GARIN1B: variants seen among roughly 807,000 people sequenced by gnomAD.
GARIN1B encodes Golgi-associated RAB2 interactor protein 1B.
the GARIN1B span, chr7:128,731,465 G>A: frequency 1.0e-5 from 4 of 383,680 alleles, no homozygotes; most frequent in Admixed American, 3.8e-5. Context: ...AAAGTCAGCA[G>A]ATGAGAGACA....
the GARIN1B span, among the ~76,000 whole-genome samples, chr7:128,716,040 T>C: frequency 2.3e-4 from 35 of 152,282 alleles, no homozygotes; most frequent in East Asian, 9.6e-4. Flanking sequence ...ATAATGCGGA[T>C]TGGCGAAAGA....
the GARIN1B span, among the ~76,000 whole-genome samples, chr7:128,717,237 T>A: frequency 6.6e-6 from 1 of 152,084 alleles, no homozygotes; most frequent in East Asian, 1.9e-4. Context: ...ACTTTCTTTC[T>A]CGCTGCACAG....
the GARIN1B span, chr7:128,731,257 G>A: frequency 1.2e-6 from 1 of 830,978 alleles, no homozygotes; most frequent in South Asian, 1.3e-5. Flanking sequence ...TGACAGCAGA[G>A]CCTTTCCAGC....
chr7:128,718,121 C>G, the GARIN1B span, among the ~76,000 whole-genome samples: 186 of 152,258 alleles, frequency 1.2e-3, 1 homozygote, highest in Non-Finnish European at 2.3e-3. Flanking sequence ...GTGGGGCAAG[C>G]TCCTTTGGTG....
chr7:128,729,171 C>T, the GARIN1B span, among the ~76,000 whole-genome samples: 4 of 152,028 alleles, frequency 2.6e-5, no homozygotes, highest in Non-Finnish European at 4.4e-5. Context: ...TCTCATTCGG[C>T]GAGGGAGTGT....
At chr7:128,723,091 T>C in the GARIN1B span, 3 of 1,362,516 alleles carry the variant, frequency 2.2e-6, no homozygotes, top group Non-Finnish European at 2.9e-6. Context: ...GGCTGCACTT[T>C]GGAAAATTTT....
chr7:128,716,771 T>C, the GARIN1B span: 6 of 1,544,000 alleles, frequency 3.9e-6, no homozygotes, highest in Non-Finnish European at 5.3e-6. Context: ...AGACTGCAGC[T>C]TTTGCCAAAT....
chr7:128,726,745 T>G, the GARIN1B span: 1 of 1,516,708 alleles, frequency 6.6e-7, no homozygotes, highest in Non-Finnish European at 9.1e-7. Flanking sequence ...ATCAGGAACT[T>G]TGGAACAAGA....
At chr7:128,730,092 C>T in the GARIN1B span, 1 of 1,603,384 alleles carries the variant, frequency 6.2e-7, no homozygotes, top group Admixed American at 1.7e-5. Context: ...GAGGAATCCC[C>T]TGCCATTGTG....
the GARIN1B span, among the ~76,000 whole-genome samples, chr7:128,719,606 G>A: frequency 4.6e-5 from 7 of 151,230 alleles, no homozygotes; most frequent in Non-Finnish European, 7.4e-5. Context: ...TTCACTTAGC[G>A]TAACATTTTT....
At chr7:128,723,449 A>C in the GARIN1B span, 5 of 1,142,728 alleles carry the variant, frequency 4.4e-6, no homozygotes, top group South Asian at 1.6e-5. Flanking sequence ...ACGGTGGCTC[A>C]CGCCTGTATT....
At chr7:128,729,766 T>C in the GARIN1B span, 12 of 895,548 alleles carry the variant, frequency 1.3e-5, no homozygotes, top group Non-Finnish European at 2.1e-5. Flanking sequence ...GAGGTGAGGA[T>C]TAAAGGACCA....
chr7:128,723,533 A>T, the GARIN1B span: 1 of 319,690 alleles, frequency 3.1e-6, no homozygotes, highest in Non-Finnish European at 5.8e-6. Flanking sequence ...GCCTCGATAT[A>T]CTGCCACTCA....
At chr7:128,712,336 C>T in the GARIN1B span, among the ~76,000 whole-genome samples, 1 of 152,092 alleles carries the variant, frequency 6.6e-6, no homozygotes, top group Admixed American at 6.5e-5. Flanking sequence ...ATAAAATGTA[C>T]CATTTTAACC....
At chr7:128,726,841 A>G in the GARIN1B span, 1 of 1,614,106 alleles carries the variant, frequency 6.2e-7, no homozygotes, top group Non-Finnish European at 8.5e-7. Flanking sequence ...CAGGAGCAGC[A>G]GAAAGGTGGA....
chr7:128,713,766 T>C, the GARIN1B span: 3 of 387,956 alleles, frequency 7.7e-6, no homozygotes, highest in African/African-American at 2.1e-5. Flanking sequence ...GAAGAAGTCA[T>C]CTCCCCAACT....
chr7:128,730,192 G>A, the GARIN1B span: 1 of 1,140,640 alleles, frequency 8.8e-7, no homozygotes, highest in South Asian at 1.5e-5. Flanking sequence ...GTCGAGGAAT[G>A]CTGGCCACAG....
chr7:128,715,024 A>G, the GARIN1B span, among the ~76,000 whole-genome samples: 1 of 152,172 alleles, frequency 6.6e-6, no homozygotes, highest in Non-Finnish European at 1.5e-5. Flanking sequence ...TGGGGTTTTC[A>G]ATGGACATGC....
the GARIN1B span, among the ~76,000 whole-genome samples, chr7:128,718,346 C>T: frequency 1.0e-3 from 156 of 150,520 alleles, 1 homozygote; most frequent in Middle Eastern, 6.8e-3. Flanking sequence ...GCAGGAGAAT[C>T]GCTTGAACCT....
Sources: gnomAD v4.1 joint callset for allele counts (sites outside exome capture counted in the v4.1 genomes callset) on GRCh38, gnomAD v4.1.1 for gene constraint, MANE v1.5 for transcripts, NCBI Gene and HGNC (gene_info 2026-07-23, HGNC 2026-07-21) for gene names.